Variants in AGTPBP1 observed in about 807,000 individuals in gnomAD.
The protein encoded by AGTPBP1 is cytosolic carboxypeptidase 1.
Under a neutral mutation model 143.9 loss-of-function variants are expected in AGTPBP1, and 70 were observed. The ratio of observed to expected loss-of-function variants is 0.49; its 90% CI spans 0.40 to 0.59. AGTPBP1 has a LOEUF of 0.59. AGTPBP1 is among the 20% of genes least tolerant of loss of function. The pLI, the probability that AGTPBP1 is intolerant of heterozygous loss-of-function variation, is 0.00. For synonymous variants in AGTPBP1, 463 were observed against 500.2 expected, an observed-to-expected ratio of 0.93 and a Z score of 0.99; for missense variants, 1,229 against 1,464.5, an observed-to-expected ratio of 0.84 and a Z score of 2.62.
chr9:85,759,534 C>G, the AGTPBP1 span, among the ~76,000 whole-genome samples: 1 of 151,846 alleles, frequency 6.6e-6, no homozygotes, highest in Non-Finnish European at 1.5e-5. Context: ...GGGTACATAA[C>G]GAAATGAAGG....
At chr9:85,686,985 A>C (rs1293558975) in intron 3 of AGTPBP1, among the ~76,000 whole-genome samples, 3 of 152,204 alleles carry the variant, frequency 2.0e-5, no homozygotes, top group Non-Finnish European at 4.4e-5. Flanking sequence ...TGTTATCTTC[A>C]AGAAACACAC....
chr9:85,686,160 T>C (rs1417391906), intron 3 of AGTPBP1, among the ~76,000 whole-genome samples: 2 of 151,660 alleles, frequency 1.3e-5, no homozygotes, highest in African/African-American at 4.8e-5. Flanking sequence ...ACTCAGACTG[T>C]CAAACTGGAT....
rs776106847 is a variant in AGTPBP1 at position 85,575,329 on chromosome 9, G to A, written c.3489C>T (p.Ser1163=). Residue 1163 remains serine (S), a synonymous_variant, in exon 25 of 26, where the codon AGC becomes AGT. Coordinates refer to ENST00000357081, the MANE Select transcript of AGTPBP1 (RefSeq NM_001330701.2). Reference sequence around the variant, plus strand: ...TTTTTTCCTACCTAGTTACTTTGCAGCTTGATTCAATTAAATCATTTTCAA... The same window carrying A: ...TTTTTTCCTACCTAGTTACTTTGCAACTTGATTCAATTAAATCATTTTCAA... ...LDFENDLIES[S]CKVTSPTTYV... 1.3e-6 allele frequency: 2 copies of A among 1,595,040 alleles called. No individual in the cohort carries two copies. Among genetic ancestry groups the A allele is most frequent in the East Asian group, 2.3e-5 (1 of 44,102 alleles).
intron 3 of AGTPBP1, among the ~76,000 whole-genome samples, chr9:85,685,899 C>T (rs1275852430): frequency 6.6e-6 from 1 of 151,642 alleles, no homozygotes; most frequent in Admixed American, 6.6e-5. Context: ...TCTAAGCAAA[C>T]TGTGAAAAGT....
chr9:85,800,329 G>A, the AGTPBP1 span, among the ~76,000 whole-genome samples: 13 of 152,042 alleles, frequency 8.6e-5, no homozygotes, highest in Non-Finnish European at 1.6e-4. Flanking sequence ...TTCTGCTTTC[G>A]GAGAGAAAGC....
chr9:85,617,075 T>C (rs893660411), intron 17 of AGTPBP1, among the ~76,000 whole-genome samples: 1 of 152,126 alleles, frequency 6.6e-6, no homozygotes, highest in Non-Finnish European at 1.5e-5. Flanking sequence ...CTTTTTTTCA[T>C]ACATGTGAAG....
At chr9:85,689,793 G>A (rs1835723136) in intron 3 of AGTPBP1, among the ~76,000 whole-genome samples, 3 of 150,378 alleles carry the variant, frequency 2.0e-5, no homozygotes, top group Admixed American at 6.6e-5. Context: ...CTACTCGGGG[G>A]GCTGAGACAA....
intron 13 of AGTPBP1, among the ~76,000 whole-genome samples, chr9:85,634,141 C>A (rs532670983): frequency 1.0e-4 from 15 of 148,008 alleles, no homozygotes; most frequent in Non-Finnish European, 2.1e-4. Context: ...TTGCAGTGAA[C>A]CGAGATCATG....
chr9:85,697,522 G>C (rs1208066496), intron 2 of AGTPBP1, among the ~76,000 whole-genome samples: 2 of 128,884 alleles, frequency 1.6e-5, no homozygotes, highest in African/African-American at 6.0e-5. Context: ...GCGCAATCTC[G>C]GCTCACTGCA....
At chr9:85,652,190 A>G (rs915799071) in intron 11 of AGTPBP1, among the ~76,000 whole-genome samples, 3 of 152,142 alleles carry the variant, frequency 2.0e-5, no homozygotes, top group Non-Finnish European at 4.4e-5. Context: ...TGGAACCTCC[A>G]TAAAAACCCT....
chr9:85,758,058 C>G, the AGTPBP1 span, among the ~76,000 whole-genome samples: 4 of 152,222 alleles, frequency 2.6e-5, no homozygotes, highest in African/African-American at 7.2e-5. Context: ...GATATGAAAA[C>G]TCTTAAATTT....
chr9:85,719,509 T>C (rs1054380682), intron 1 of AGTPBP1, among the ~76,000 whole-genome samples: 4 of 152,226 alleles, frequency 2.6e-5, no homozygotes, highest in African/African-American at 9.6e-5. Context: ...CACACTGATT[T>C]TGTATCCTGA....
chr9:85,570,321 C>A (rs148983020), intron 25 of AGTPBP1, among the ~76,000 whole-genome samples: 177 of 152,264 alleles, frequency 1.2e-3, no homozygotes, highest in Non-Finnish European at 2.2e-3. Flanking sequence ...CTGCATTTGA[C>A]CACGGTTAAC....
chr9:85,747,625 A>G, the AGTPBP1 span, among the ~76,000 whole-genome samples: 6 of 152,124 alleles, frequency 3.9e-5, no homozygotes, highest in African/African-American at 1.4e-4. Flanking sequence ...ATTCTTTTAG[A>G]TGCTATTATA....
At chr9:85,575,731 C>T (rs1237186203) in intron 24 of AGTPBP1, among the ~76,000 whole-genome samples, 1 of 152,140 alleles carries the variant, frequency 6.6e-6, no homozygotes, top group African/African-American at 2.4e-5. Context: ...TTTTCACCAT[C>T]ACACTAGGGG....
chr9:85,638,376 T>C (rs571219845), intron 13 of AGTPBP1, among the ~76,000 whole-genome samples: 108 of 152,110 alleles, frequency 7.1e-4, no homozygotes, highest in African/African-American at 1.6e-3. Context: ...AGACTGTATA[T>C]ACAGTTTTCA....
At chr9:85,775,723 G>A in the AGTPBP1 span, among the ~76,000 whole-genome samples, 2 of 151,962 alleles carry the variant, frequency 1.3e-5, no homozygotes, top group Non-Finnish European at 2.9e-5. Context: ...CTTGGAGTCT[G>A]ATGTTCGAGG....
rs58719163 is a variant in AGTPBP1 at position 85,689,925 on chromosome 9, A to AAAAATAT, written c.157+2763_157+2764insATATTTT. Reference sequence around the variant, plus strand: ...AAAAAAAAAAAAAAAAAAAAAAAAAAATATATATATATATATATATATCTT... The same window carrying AAAAATAT: ...AAAAAAAAAAAAAAAAAAAAAAAAAAAAAATATATATATATATATATATATATATCTT... On this transcript the variant is annotated intron_variant, in intron 3 of 25. Coordinates refer to ENST00000357081, the MANE Select transcript of AGTPBP1 (RefSeq NM_001330701.2). Among the ~76,000 whole-genome samples the AAAAATAT allele has an allele frequency of 1.3e-3, 95 of 72,456 alleles. 4 individuals are homozygous for AAAAATAT. Among genetic ancestry groups the AAAAATAT allele is most frequent in the East Asian group, 4.5e-3 (9 of 2,004 alleles). The allele number at this position is 72,456 out of a possible 152,430, so 47.5% of individuals were successfully genotyped here.
chr9:85,547,162 C>T lies in AGTPBP1; in HGVS notation c.3628G>A (p.Ala1210Thr), dbSNP rs1292673889. Reference sequence around the variant, plus strand: ...GAGTCAGAAAGTACTTCTTCTTGAGCAGAAGGTTCATAATCTCCTACATTT... The same window carrying T: ...GAGTCAGAAAGTACTTCTTCTTGAGTAGAAGGTTCATAATCTCCTACATTT... ...AENVGDYEPS[A>T]QEEVLSDSEL... The change falls in exon 26 of 26, where the codon GCT becomes ACT. Residue 1210 changes from alanine (A) to threonine (T), a missense_variant. Around this residue, in one of 2 missense-constraint regions of AGTPBP1, gnomAD observed 486 missense variants for 652.3 expected, o/e 0.75. Coordinates refer to ENST00000357081, the MANE Select transcript of AGTPBP1 (RefSeq NM_001330701.2). 6.2e-7 allele frequency: 1 copy of T among 1,612,908 alleles called. No individual in the cohort carries two copies. The highest frequency in any genetic ancestry group is 1.3e-5 in the African/African-American group (1 of 74,828).
Sources: gnomAD v4.1 joint callset for allele counts (sites outside exome capture counted in the v4.1 genomes callset) on GRCh38, gnomAD v4.1.1 for gene constraint, gnomAD v4.1.1 regional missense constraint, MANE v1.5 for transcripts, NCBI Gene and HGNC (gene_info 2026-07-23, HGNC 2026-07-21) for gene names.